ELAVL2: variants seen among roughly 807,000 people sequenced by gnomAD.
ELAVL2 encodes ELAV like RNA binding protein 2.
A neutral mutation model predicts 34.6 loss-of-function variants in ELAVL2; 4 were observed. That is an observed-to-expected ratio of 0.12 (90% CI 0.06 to 0.26). The LOEUF (loss-of-function observed/expected upper bound fraction) is 0.26. ELAVL2 is among the 10% of genes least tolerant of loss of function. The pLI, the probability that ELAVL2 is intolerant of heterozygous loss-of-function variation, is 1.00. For synonymous variants in ELAVL2, 193 were observed against 154.8 expected (o/e 1.25, Z -1.83); for missense variants, 432 against 442.8 (o/e 0.98, Z 0.22).
chr9:23,751,272 ACT>A (rs756372435), intron 2 of ELAVL2, among the ~76,000 whole-genome samples: 6 of 152,120 alleles, frequency 3.9e-5, no homozygotes, highest in African/African-American at 7.2e-5. Context: ...CTAAAAATAA[ACT>A]CTAATTCACA....
chr9:23,728,777 CA>C (rs1220390173), intron 3 of ELAVL2, among the ~76,000 whole-genome samples: 1 of 152,014 alleles, frequency 6.6e-6, no homozygotes, highest in Non-Finnish European at 1.5e-5. Context: ...ATAGAAAGAA[CA>C]AACAGGCAAA....
At chr9:23,709,361 C>T (rs977078012) in intron 3 of ELAVL2, among the ~76,000 whole-genome samples, 1 of 152,070 alleles carries the variant, frequency 6.6e-6, no homozygotes, top group East Asian at 1.9e-4. Context: ...CTCTGGAGAT[C>T]AGTTACCTAA....
the ELAVL2 span, among the ~76,000 whole-genome samples, chr9:23,836,684 G>A: frequency 6.6e-6 from 1 of 151,706 alleles, no homozygotes; most frequent in African/African-American, 2.4e-5. Context: ...TGTTTGTGTG[G>A]GTGTGGTTTA....
chr9:23,726,637 CTG>C (rs1294535104), intron 3 of ELAVL2, among the ~76,000 whole-genome samples: 1 of 152,086 alleles, frequency 6.6e-6, no homozygotes, highest in African/African-American at 2.4e-5. Flanking sequence ...ATCCATTTCA[CTG>C]TGTTATGTGA....
chr9:23,836,804 T>C, the ELAVL2 span, among the ~76,000 whole-genome samples: 1 of 152,096 alleles, frequency 6.6e-6, no homozygotes, highest in Non-Finnish European at 1.5e-5. Flanking sequence ...TCAGGTTGGT[T>C]GGGTATTGTG....
chr9:23,850,113 G>T, the ELAVL2 span, among the ~76,000 whole-genome samples: 1 of 151,582 alleles, frequency 6.6e-6, no homozygotes, highest in Non-Finnish European at 1.5e-5. Context: ...CGGGGAGGGG[G>T]TGGGGGTGGA....
chr9:23,764,882 A>C, intron 1 of ELAVL2: 1 of 950,226 alleles, frequency 1.1e-6, no homozygotes, highest in Non-Finnish European at 1.6e-6. Flanking sequence ...TGGCCATACC[A>C]CAATAGGTTA....
intron 2 of ELAVL2, among the ~76,000 whole-genome samples, chr9:23,759,402 G>C (rs1274169224): frequency 6.6e-6 from 1 of 151,874 alleles, no homozygotes; most frequent in Admixed American, 6.6e-5. Flanking sequence ...AGAGGGTGGA[G>C]AAGAGAGGAG....
the ELAVL2 span, among the ~76,000 whole-genome samples, chr9:23,837,770 C>T: frequency 1.4e-4 from 21 of 152,228 alleles, no homozygotes; most frequent in East Asian, 2.9e-3. Context: ...ACAGATATTA[C>T]GATGAACATA....
chr9:23,730,951 G>T lies in ELAVL2; in HGVS notation c.333+71C>A, dbSNP rs1390579991. 13 of 1,393,560 alleles carry T rather than the reference G, an allele frequency of 9.3e-6. No individual in the cohort carries two copies. The African/African-American group carries it at 1.6e-4, about 17-fold the overall frequency. 86.3% of individuals were successfully genotyped at this position (1,393,560 alleles called of 1,614,324 possible). On this transcript the variant is annotated intron_variant, in intron 3 of 6. Transcript: ENST00000397312. ...ATGGGCCCAAAAGGAAGAAAGGAAAGAACTACAAATAAATCTTAATTTTTT... is the reference window on the plus strand; with the variant it reads ...ATGGGCCCAAAAGGAAGAAAGGAAATAACTACAAATAAATCTTAATTTTTT...
the ELAVL2 span, among the ~76,000 whole-genome samples, chr9:23,842,267 TGAGTGA>T: frequency 6.6e-6 from 1 of 152,062 alleles, no homozygotes; most frequent in South Asian, 2.1e-4. Flanking sequence ...TCTGTTCCCC[TGAGTGA>T]GAGTTCAAGG....
chr9:23,769,440 G>C (rs1484042643), intron 1 of ELAVL2, among the ~76,000 whole-genome samples: 2 of 152,068 alleles, frequency 1.3e-5, no homozygotes, highest in Non-Finnish European at 2.9e-5. Context: ...ATATGTTTGT[G>C]GTTTCACTTA....
chr9:23,812,225 G>A (rs936103610), intron 1 of ELAVL2, among the ~76,000 whole-genome samples: 3 of 152,034 alleles, frequency 2.0e-5, no homozygotes, highest in Non-Finnish European at 4.4e-5. Context: ...TCAGTATCCA[G>A]CACTCAGTAA....
intron 1 of ELAVL2, among the ~76,000 whole-genome samples, chr9:23,778,429 T>C (rs2058566185): frequency 6.6e-6 from 1 of 152,214 alleles, no homozygotes; most frequent in Admixed American, 6.5e-5. Context: ...AATGTAACAA[T>C]TTCACATTCA....
At chr9:23,811,106 T>C (rs1056273734) in intron 1 of ELAVL2, among the ~76,000 whole-genome samples, 1 of 152,148 alleles carries the variant, frequency 6.6e-6, no homozygotes, top group East Asian at 1.9e-4. Context: ...TCTTCCTGTC[T>C]AGGTCACAAA....
chr9:23,760,161 G>A (rs138018309), intron 2 of ELAVL2, among the ~76,000 whole-genome samples: 2 of 151,940 alleles, frequency 1.3e-5, no homozygotes, highest in East Asian at 3.9e-4. Flanking sequence ...AAAAGAGTAA[G>A]ATTAATTCAA....
At chr9:23,791,228 C>T (rs1030651941) in intron 1 of ELAVL2, among the ~76,000 whole-genome samples, 3 of 152,150 alleles carry the variant, frequency 2.0e-5, no homozygotes, top group Non-Finnish European at 2.9e-5. Flanking sequence ...AGGTTGAAAA[C>T]GGCAAATGCT....
intron 1 of ELAVL2, among the ~76,000 whole-genome samples, chr9:23,774,954 A>C (rs983124959): frequency 3.3e-5 from 5 of 152,186 alleles, no homozygotes; most frequent in Admixed American, 6.5e-5. Context: ...ATGTATCTAC[A>C]TTCATACAAA....
intron 1 of ELAVL2, among the ~76,000 whole-genome samples, chr9:23,781,144 T>G (rs191221468): frequency 1.1e-4 from 17 of 152,286 alleles, no homozygotes; most frequent in Admixed American, 2.6e-4. Context: ...AAGAAATAAG[T>G]TATAACAAAT....
Sources: gnomAD v4.1 joint callset for allele counts (sites outside exome capture counted in the v4.1 genomes callset) on GRCh38, gnomAD v4.1.1 for gene constraint, MANE v1.5 for transcripts, NCBI Gene and HGNC (gene_info 2026-07-23, HGNC 2026-07-21) for gene names.